The following FAM168A variants were observed in gnomAD, a reference collection of about 807,000 sequenced individuals.
The protein encoded by FAM168A is protein FAM168A.
A neutral mutation model predicts 28.5 loss-of-function variants in FAM168A; 3 were observed. That is an observed-to-expected ratio of 0.11 (90% CI 0.05 to 0.27). FAM168A has a LOEUF of 0.27. FAM168A is among the 10% of genes least tolerant of loss of function. FAM168A has a pLI of 1.00. For synonymous variants in FAM168A, 122 were observed against 124.2 expected (o/e 0.98, Z 0.12); for missense variants, 222 against 311.5 (o/e 0.71, Z 2.16).
At chr11:73,516,183 T>C (rs1325052217) in intron 1 of FAM168A, among the ~76,000 whole-genome samples, 1 of 151,954 alleles carries the variant, frequency 6.6e-6, no homozygotes, top group Non-Finnish European at 1.5e-5. Context: ...GGGGAACATC[T>C]GGGAGCTCTA....
intron 1 of FAM168A, among the ~76,000 whole-genome samples, chr11:73,542,391 C>A (rs532230128): frequency 1.3e-5 from 2 of 152,314 alleles, no homozygotes; most frequent in East Asian, 1.9e-4. Flanking sequence ...AAGGCAAAAA[C>A]CTCCGAATCT....
intron 1 of FAM168A, among the ~76,000 whole-genome samples, chr11:73,541,552 T>C (rs1322325116): frequency 6.6e-6 from 1 of 151,858 alleles, no homozygotes; most frequent in Non-Finnish European, 1.5e-5. Context: ...TTTGTATTTT[T>C]AGTACAGACA....
At chr11:73,481,007 T>C (rs559403832) in intron 1 of FAM168A, among the ~76,000 whole-genome samples, 63 of 152,378 alleles carry the variant, frequency 4.1e-4, no homozygotes, top group African/African-American at 1.5e-3. Context: ...TTGTTTTTAA[T>C]ACCATCGTTC....
intron 1 of FAM168A, among the ~76,000 whole-genome samples, chr11:73,561,476 T>C (rs1943957767): frequency 6.6e-6 from 1 of 152,102 alleles, no homozygotes; most frequent in African/African-American, 2.4e-5. Flanking sequence ...TATATATATA[T>C]ATTATTCTAT....
chr11:73,561,203 G>A (rs960485053), intron 1 of FAM168A, among the ~76,000 whole-genome samples: 12 of 151,774 alleles, frequency 7.9e-5, no homozygotes, highest in African/African-American at 2.2e-4. Flanking sequence ...GGAGAAATCC[G>A]TTTCTACTAA....
chr11:73,428,956 C>T (rs1471575445), intron 3 of FAM168A, among the ~76,000 whole-genome samples: 1 of 152,118 alleles, frequency 6.6e-6, no homozygotes, highest in East Asian at 1.9e-4. Context: ...TCTATGTAAG[C>T]ACCTTAGGGG....
Position 73,404,040 on chromosome 11 carries a change from C to T in FAM168A, c.*2723G>A, listed in dbSNP as rs1325799054. 3 of 152,196 alleles carry T rather than the reference C, an allele frequency of 2.0e-5. No individual in the cohort carries two copies. The highest frequency in any genetic ancestry group is 2.1e-4 in the South Asian group (1 of 4,832). The allele number at this position is 152,196 out of a possible 1,614,324, so 9.4% of individuals were successfully genotyped here. ...AGCAAGTCACTTGACTTTTCCAAGC[C>T]TTGATTTCCTTATGGATCAAATAGG... On this transcript the variant is annotated 3_prime_UTR_variant, in exon 8 of 8. Coordinates refer to ENST00000356467, the MANE Select transcript of FAM168A (RefSeq NM_015159.3).
chr11:73,445,857 T>G (rs188961774), intron 2 of FAM168A, among the ~76,000 whole-genome samples: 1 of 152,322 alleles, frequency 6.6e-6, no homozygotes, highest in South Asian at 2.1e-4. Context: ...ATCTGCAAGA[T>G]AGTAACAACA....
chr11:73,421,103 T>C lies in FAM168A; in HGVS notation c.152-1104A>G, dbSNP rs879325649. 2.0e-5 allele frequency among the ~76,000 whole-genome samples: 3 copies of C among 151,138 alleles called. No individual in the cohort carries two copies. In the South Asian group the frequency reaches 6.3e-4, roughly 32 times the overall value. The stretch of plus-strand genomic sequence containing the variant: ...GGGGTCATGGATATGGGGTGCTATA[T>C]AGTATATTAGCAGAAGGTGGGGCTG... On this transcript the variant is annotated intron_variant, in intron 3 of 7. Transcript: ENST00000356467.
chr11:73,577,088 G>A (rs1944186734), intron 1 of FAM168A, among the ~76,000 whole-genome samples: 1 of 152,116 alleles, frequency 6.6e-6, no homozygotes, highest in Non-Finnish European at 1.5e-5. Flanking sequence ...GAATAGAGAA[G>A]GCAAAAGTCA....
chr11:73,577,018 G>A (rs1279007303), intron 1 of FAM168A, among the ~76,000 whole-genome samples: 1 of 151,878 alleles, frequency 6.6e-6, no homozygotes, highest in Non-Finnish European at 1.5e-5. Flanking sequence ...GACATTTACA[G>A]ACTTGAATGG....
intron 1 of FAM168A, among the ~76,000 whole-genome samples, chr11:73,480,747 T>G (rs567729616): frequency 6.6e-6 from 1 of 152,034 alleles, no homozygotes; most frequent in East Asian, 1.9e-4. Context: ...AAAACAGAAG[T>G]TAAGTGATTT....
chr11:73,426,019 C>A (rs1866879056), intron 3 of FAM168A, among the ~76,000 whole-genome samples: 1 of 152,352 alleles, frequency 6.6e-6, no homozygotes, highest in African/African-American at 2.4e-5. Flanking sequence ...TTCCTTTTCC[C>A]TACCCTTCTC....
chr11:73,570,115 T>C (rs1944068758), intron 1 of FAM168A, among the ~76,000 whole-genome samples: 1 of 152,198 alleles, frequency 6.6e-6, no homozygotes, highest in East Asian at 1.9e-4. Context: ...TACATATTCA[T>C]ACAAGCTGTT....
At chr11:73,587,161 A>AC (rs1311796226) in intron 1 of FAM168A, among the ~76,000 whole-genome samples, 3 of 146,076 alleles carry the variant, frequency 2.1e-5, no homozygotes, top group Non-Finnish European at 4.5e-5. Context: ...TTAAAAAAAA[A>AC]AAAAAAAAAA....
chr11:73,486,773 C>G (rs577574097), intron 1 of FAM168A, among the ~76,000 whole-genome samples: 42 of 152,242 alleles, frequency 2.8e-4, no homozygotes, highest in African/African-American at 9.9e-4. Flanking sequence ...CATCAGGAAG[C>G]AAAATGGCCC....
intron 2 of FAM168A, among the ~76,000 whole-genome samples, chr11:73,456,933 G>A (rs1325929134): frequency 6.6e-6 from 1 of 152,216 alleles, no homozygotes; most frequent in East Asian, 1.9e-4. Flanking sequence ...TGTTCTGATT[G>A]TTAGTTTTGA....
chr11:73,545,593 T>C (rs955927029), intron 1 of FAM168A, among the ~76,000 whole-genome samples: 1 of 152,030 alleles, frequency 6.6e-6, no homozygotes, highest in African/African-American at 2.4e-5. Flanking sequence ...GTGTGGCATA[T>C]GAATTATATC....
intron 1 of FAM168A, among the ~76,000 whole-genome samples, chr11:73,511,528 G>A (rs1043370573): frequency 4.7e-5 from 7 of 148,442 alleles, no homozygotes; most frequent in African/African-American, 1.3e-4. Flanking sequence ...TGGCCACCGC[G>A]CCCGGCTGAA....
Sources: gnomAD v4.1 joint callset for allele counts (sites outside exome capture counted in the v4.1 genomes callset) on GRCh38, gnomAD v4.1.1 for gene constraint, MANE v1.5 for transcripts, NCBI Gene and HGNC (gene_info 2026-07-23, HGNC 2026-07-21) for gene names.